Variants in EDNRB observed in about 807,000 individuals in gnomAD.
EDNRB encodes the protein Hirschsprung disease 2.
EDNRB carries 18 observed loss-of-function variants against 46.4 expected under a neutral mutation model. That is an observed-to-expected ratio of 0.39 (90% CI 0.27 to 0.57). EDNRB has a LOEUF of 0.57. EDNRB is among the 20% of genes least tolerant of loss of function. EDNRB has a pLI of 0.61. For synonymous variants in EDNRB, 213 were observed against 204.9 expected (o/e 1.04, Z -0.34); for missense variants, 434 against 537.5 (o/e 0.81, Z 1.90).
At chr13:77,933,191 C>T (rs1224185313) in intron 1 of EDNRB, among the ~76,000 whole-genome samples, 1 of 152,192 alleles carries the variant, frequency 6.6e-6, no homozygotes. Flanking sequence ...CAAAATTTAA[C>T]TTGTGGAACT....
chr13:77,906,966 C>A (rs1879311358), intron 1 of EDNRB, among the ~76,000 whole-genome samples: 2 of 151,916 alleles, frequency 1.3e-5, no homozygotes, highest in African/African-American at 4.8e-5. Flanking sequence ...ATAATACCTG[C>A]CCGACAGTGG....
upstream of EDNRB, chr13:77,919,003 G>T (rs1012173618): frequency 2.7e-5 from 21 of 770,976 alleles, no homozygotes; most frequent in East Asian, 1.0e-3. Flanking sequence ...CGGAATTAAG[G>T]CACCTAGAGG....
chr13:77,943,479 G>A (rs932790494), intron 1 of EDNRB, among the ~76,000 whole-genome samples: 1 of 152,040 alleles, frequency 6.6e-6, no homozygotes, highest in Non-Finnish European at 1.5e-5. Flanking sequence ...ACAAACTGAA[G>A]TAACTGCCTG....
chr13:77,973,927 C>T (rs921176172), intron 1 of EDNRB, among the ~76,000 whole-genome samples: 29 of 142,216 alleles, frequency 2.0e-4, no homozygotes, highest in African/African-American at 7.5e-4. Flanking sequence ...ATTCTGCCCC[C>T]CCTTTTTTCC....
chr13:77,970,378 G>A (rs1162400397), intron 1 of EDNRB, among the ~76,000 whole-genome samples: 1 of 152,088 alleles, frequency 6.6e-6, no homozygotes, highest in East Asian at 1.9e-4. Context: ...GAAGGAAGAG[G>A]TTTATTCGGC....
In EDNRB at chr13:77,903,664, T is replaced by A. The variant is rs34576965; in HGVS notation, c.484-57A>T. On this transcript the variant is annotated intron_variant, in intron 1 of 6. Coordinates refer to ENST00000646607, the MANE Select transcript of EDNRB (RefSeq NM_001122659.3). ...GGGTTTCATAAGATGCCCTCTGAAT[T>A]GTATCACTTAGTGAAGAGTAATTAA... is the stretch of plus-strand genomic sequence containing the variant. 9,667 of 1,429,792 alleles carry A rather than the reference T, an allele frequency of 6.8e-3. 43 individuals carry two copies. Among genetic ancestry groups the A allele is most frequent in the Non-Finnish European group, 8.6e-3 (8,686 of 1,013,866 alleles). 88.6% of individuals were successfully genotyped at this position (1,429,792 alleles called of 1,614,324 possible). A position where few individuals can be genotyped will look rare whatever the true frequency, so the allele number is the denominator to read the frequency against.
intron 1 of EDNRB, among the ~76,000 whole-genome samples, chr13:77,911,117 A>T (rs1471548818): frequency 6.6e-6 from 1 of 152,036 alleles, no homozygotes; most frequent in Non-Finnish European, 1.5e-5. Flanking sequence ...TTTTGAAAAG[A>T]TCCAACTAAG....
intron 3 of EDNRB, among the ~76,000 whole-genome samples, chr13:77,902,291 G>A (rs1406918411): frequency 6.6e-6 from 1 of 151,790 alleles, no homozygotes; most frequent in African/African-American, 2.4e-5. Context: ...GTCCTTATGG[G>A]GCTGTAGGAT....
chr13:77,957,203 C>T (rs1881265445), intron 1 of EDNRB, among the ~76,000 whole-genome samples: 1 of 152,170 alleles, frequency 6.6e-6, no homozygotes. Flanking sequence ...GAGTCACTGT[C>T]TGTTTTCTTA....
rs1324737329 is a variant in EDNRB at position 77,895,628 on chromosome 13, A to G, written c.*2572T>C. ...TTAATGAATTAGTGTCTGTACAGTG[A>G]AAAATAAGGTAGTTGTTAAAAAAAC... On this transcript the variant is annotated 3_prime_UTR_variant, in exon 7 of 7. Transcript: ENST00000646607. The G allele has an allele frequency of 6.6e-6, 1 of 152,086 alleles. No homozygotes were observed. The highest frequency in any genetic ancestry group is 1.5e-5 in the Non-Finnish European group (1 of 67,980). The allele number at this position is 152,086 out of a possible 1,614,324, so 9.4% of individuals were successfully genotyped here.
intron 1 of EDNRB, 61 bp from the exon 2 acceptor site, chr13:77,903,668 T>A: frequency 2.2e-6 from 3 of 1,392,636 alleles, no homozygotes; most frequent in African/African-American, 1.4e-5. Context: ...CTGAATTGTA[T>A]CACTTAGTGA....
chr13:77,910,577 G>A (rs3027127), intron 1 of EDNRB, among the ~76,000 whole-genome samples: 10 of 152,068 alleles, frequency 6.6e-5, no homozygotes, highest in East Asian at 3.9e-4. Flanking sequence ...ACAGTGCACC[G>A]TGCCCTGAAG....
At chr13:77,906,697 T>A (rs1879298350) in intron 1 of EDNRB, among the ~76,000 whole-genome samples, 1 of 152,028 alleles carries the variant, frequency 6.6e-6, no homozygotes, top group African/African-American at 2.4e-5. Context: ...TTTGGACAAC[T>A]GCATCCCCAG....
At chr13:77,929,089 A>G (rs1329169740) in intron 1 of EDNRB, among the ~76,000 whole-genome samples, 7 of 152,176 alleles carry the variant, frequency 4.6e-5, no homozygotes, top group Non-Finnish European at 1.0e-4. Flanking sequence ...CATTTCCTGT[A>G]CTTGTCACTC....
intron 1 of EDNRB, among the ~76,000 whole-genome samples, chr13:77,946,507 GT>G (rs1406139637): frequency 2.0e-5 from 3 of 152,006 alleles, no homozygotes; most frequent in African/African-American, 7.2e-5. Flanking sequence ...CTACCCAGTT[GT>G]TTTTCGTTCA....
At chr13:77,961,393 C>T (rs986873680) in intron 1 of EDNRB, among the ~76,000 whole-genome samples, 51 of 152,114 alleles carry the variant, frequency 3.4e-4, no homozygotes, top group Admixed American at 9.2e-4. Context: ...AAGCACTCCT[C>T]GGCAAATGTA....
At chr13:77,925,943 T>G (rs1880225203) in intron 1 of EDNRB, among the ~76,000 whole-genome samples, 1 of 152,232 alleles carries the variant, frequency 6.6e-6, no homozygotes. Context: ...AACCCACCTC[T>G]TGCCTCAGCA....
intron 6 of EDNRB, chr13:77,899,644 G>A: frequency 4.0e-6 from 2 of 497,920 alleles, no homozygotes; most frequent in South Asian, 4.3e-5. Context: ...CTGATTGGCT[G>A]AGGCAGTAGG....
chr13:77,950,296 G>T (rs1924937), intron 1 of EDNRB, among the ~76,000 whole-genome samples: 89,664 of 151,626 alleles, frequency 0.59, 27,816 homozygotes, highest in Middle Eastern at 0.74. Context: ...TCTCTAAGTG[G>T]ACAAAGGTTT....
Sources: allele counts gnomAD v4.1 joint callset (sites outside exome capture counted in the v4.1 genomes callset), GRCh38; gene constraint gnomAD v4.1.1; transcripts MANE v1.5; gene names NCBI Gene and HGNC (gene_info 2026-07-23, HGNC 2026-07-21).